The following ACACA variants were observed in gnomAD, a reference collection of about 807,000 sequenced individuals.
The protein encoded by ACACA is acetyl-CoA carboxylase alpha, also known as acetyl-CoA carboxylase 1.
Under a neutral mutation model 296.1 loss-of-function variants are expected in ACACA, and 103 were observed. That is an observed-to-expected ratio of 0.35 (90% CI 0.30 to 0.41). ACACA has a LOEUF of 0.41. ACACA is among the 10% of genes least tolerant of loss of function. The pLI is 1.00. For synonymous variants in ACACA, 953 were observed against 1,038.6 expected (o/e 0.92, Z 1.58); for missense variants, 1,554 against 2,989.7 (o/e 0.52, Z 11.20).
At chr17:37,286,109 C>T (rs780311024) in intron 3 of ACACA, among the ~76,000 whole-genome samples, 2 of 152,102 alleles carry the variant, frequency 1.3e-5, no homozygotes, top group African/African-American at 4.8e-5. Flanking sequence ...AGGCTGGTCT[C>T]GAACTCCTGA....
At position 37,192,293 on chromosome 17, in the gene ACACA, G is replaced by A. The variant is rs1331987821; in HGVS notation, c.4213C>T (p.Arg1405Cys). 4 of 1,613,826 alleles carry A rather than the reference G, an allele frequency of 2.5e-6. No homozygotes were observed. Among genetic ancestry groups the A allele is most frequent in the Non-Finnish European group, 3.4e-6 (4 of 1,179,968 alleles). The change falls in exon 37 of 56, where the codon CGT becomes TGT. Residue 1405 changes from arginine (R) to cysteine (C), a missense_variant. Around this residue, in one of 16 missense-constraint regions of ACACA, gnomAD observed 179 missense variants for 283.2 expected, o/e 0.63. Coordinates refer to ENST00000616317, the MANE Select transcript of ACACA (RefSeq NM_198834.3). ...GCAGGCTCCAGATGACGATAGATACGATCCTCCTCAAACTGAGTACAAGAA... is the reference window on the plus strand; with the variant it reads ...GCAGGCTCCAGATGACGATAGATACAATCCTCCTCAAACTGAGTACAAGAA... ...FRARDKFEED[R>C]IYRHLEPALA...
chr17:37,177,121 ACTG>A (rs2077145395), intron 41 of ACACA, among the ~76,000 whole-genome samples: 6 of 152,292 alleles, frequency 3.9e-5, no homozygotes, highest in Non-Finnish European at 7.3e-5. Flanking sequence ...CTATTAAAGC[ACTG>A]GACAAAGGAA....
In ACACA at chr17:37,113,413, C is replaced by T. The variant is rs1023495717; in HGVS notation, c.6275-148G>A. 1.3e-6 allele frequency: 1 copy of T among 769,672 alleles called. No individual in the cohort carries two copies. Among genetic ancestry groups the T allele is most frequent in the Non-Finnish European group, 2.2e-6 (1 of 448,444 alleles). 47.7% of individuals were successfully genotyped at this position (769,672 alleles called of 1,614,324 possible). On this transcript the variant is annotated intron_variant, in intron 50 of 55. Transcript: ENST00000616317. The surrounding 1 kb of genome is among the most constrained non-coding windows in gnomAD (Gnocchi z 4.0). ...CCCTATAGACTAAAGGGAGTATCGA[C>T]CTGTATCCCATTCAAGACTCCAGAG...
intron 1 of ACACA, among the ~76,000 whole-genome samples, chr17:37,388,108 T>C (rs2147785093): frequency 6.6e-6 from 1 of 152,156 alleles, no homozygotes; most frequent in Non-Finnish European, 1.5e-5. Flanking sequence ...GAGGCTGAAG[T>C]GAGCCAAGAT....
At chr17:37,146,721 G>A (rs2075826235) in intron 45 of ACACA, among the ~76,000 whole-genome samples, 2 of 148,870 alleles carry the variant, frequency 1.3e-5, no homozygotes, top group Non-Finnish European at 3.0e-5. Flanking sequence ...GAGAGAAGAA[G>A]GAGGGGGGAG....
chr17:37,293,879 A>C (rs72828208), intron 3 of ACACA, among the ~76,000 whole-genome samples: 48 of 152,284 alleles, frequency 3.2e-4, no homozygotes, highest in Non-Finnish European at 6.8e-4. Context: ...TAAAACATTT[A>C]TCCCATTCAC....
At chr17:37,363,028 C>T (rs1392666487) in intron 1 of ACACA, among the ~76,000 whole-genome samples, 1 of 148,882 alleles carries the variant, frequency 6.7e-6, no homozygotes, top group African/African-American at 2.5e-5. Context: ...TGCAGATTCC[C>T]AGCCCTTTTT....
chr17:37,125,946 G>C (rs1220352272), intron 47 of ACACA, 152 bp from the exon 48 acceptor site: 1 of 705,828 alleles, frequency 1.4e-6, no homozygotes, highest in Admixed American at 2.1e-5. Flanking sequence ...TTAGGCAGCT[G>C]AATGTTCATC....
chr17:37,342,782 CA>C (rs771358364), intron 1 of ACACA, among the ~76,000 whole-genome samples: 224 of 137,108 alleles, frequency 1.6e-3, no homozygotes, highest in Admixed American at 1.7e-3. Context: ...CCATCTCTAC[CA>C]AAAAAAAAAA....
chr17:37,329,751 C>A (rs1175724420), intron 3 of ACACA, among the ~76,000 whole-genome samples: 1 of 151,904 alleles, frequency 6.6e-6, no homozygotes, highest in Non-Finnish European at 1.5e-5. Context: ...ACCAGCCTGG[C>A]CAACATGGTG....
intron 19 of ACACA, 144 bp downstream of exon 19, chr17:37,246,682 C>G: frequency 9.1e-7 from 1 of 1,103,832 alleles, no homozygotes; most frequent in Non-Finnish European, 1.3e-6. Context: ...ATCTTCCTGC[C>G]TCAGCCTCCC....
intron 26 of ACACA, 39 bp from the exon 27 acceptor site, chr17:37,225,144 A>T: frequency 8.0e-7 from 1 of 1,248,746 alleles, no homozygotes; most frequent in Non-Finnish European, 1.2e-6. Flanking sequence ...CATTCCTCGG[A>T]GTGATTATTC....
chr17:37,098,061 G>A, intron 52 of ACACA, 77 bp from the exon 53 acceptor site: 2 of 1,588,554 alleles, frequency 1.3e-6, no homozygotes, highest in Middle Eastern at 1.7e-4. Context: ...CACAATCACG[G>A]GAAGCTCAAC....
At chr17:37,199,405 T>C (rs972390529) in intron 35 of ACACA, among the ~76,000 whole-genome samples, 2 of 152,224 alleles carry the variant, frequency 1.3e-5, no homozygotes, top group African/African-American at 4.8e-5. Flanking sequence ...CTGTTGTCAC[T>C]GTACTGGGTA....
chr17:37,245,061 G>A lies in ACACA; in HGVS notation c.2595+19C>T, dbSNP rs370936990. 1.2e-5 allele frequency: 19 copies of A among 1,613,970 alleles called. No homozygotes were observed. The Middle Eastern group carries it at 6.6e-4, about 56-fold the overall frequency. On this transcript the variant is annotated intron_variant, in intron 20 of 55. Coordinates refer to ENST00000616317, the MANE Select transcript of ACACA (RefSeq NM_198834.3). ...CTTTAGCTCTTAGAGAGCAATATTCGGAGCACCTTCCTACTCACCTGCTGA... is the reference window on the plus strand; with the variant it reads ...CTTTAGCTCTTAGAGAGCAATATTCAGAGCACCTTCCTACTCACCTGCTGA...
chr17:37,335,788 T>G (rs2048089989), intron 2 of ACACA, among the ~76,000 whole-genome samples: 1 of 152,092 alleles, frequency 6.6e-6, no homozygotes, highest in Admixed American at 6.6e-5. Flanking sequence ...TCAACTTAAC[T>G]CCCTAGCAGC....
intron 52 of ACACA, among the ~76,000 whole-genome samples, chr17:37,099,860 C>T (rs769928134): frequency 4.6e-5 from 7 of 151,980 alleles, no homozygotes; most frequent in Non-Finnish European, 8.8e-5. Context: ...ATCAGATGAA[C>T]CTGGGGTATA....
chr17:37,378,316 T>G (rs2050096639), intron 1 of ACACA, among the ~76,000 whole-genome samples: 1 of 152,184 alleles, frequency 6.6e-6, no homozygotes, highest in Non-Finnish European at 1.5e-5. Context: ...ATTAGTACTA[T>G]GAACACAAAC....
At chr17:37,156,417 CTA>C (rs10664252) in intron 42 of ACACA, among the ~76,000 whole-genome samples, 38,240 of 151,954 alleles carry the variant, frequency 0.25, 5,401 homozygotes, top group Admixed American at 0.36. Context: ...AGTGACATCT[CTA>C]TTAAAGATAT....
Sources: allele counts gnomAD v4.1 joint callset (sites outside exome capture counted in the v4.1 genomes callset), GRCh38; gene constraint gnomAD v4.1.1; regional missense constraint gnomAD v4.1.1; non-coding constraint Gnocchi (gnomAD v3.1); transcripts MANE v1.5; gene names NCBI Gene and HGNC (gene_info 2026-07-23, HGNC 2026-07-21).